TSPEAR: variants seen among roughly 807,000 people sequenced by gnomAD.
The protein encoded by TSPEAR is thrombospondin-type laminin G domain and EAR repeat-containing protein.
TSPEAR carries 69 observed loss-of-function variants against 71.6 expected under a neutral mutation model. The observed-to-expected ratio is 0.96, with a 90% CI of 0.79 to 1.18. TSPEAR has a LOEUF of 1.18. Among genes scored for constraint, TSPEAR ranks in the 50% most tolerant of loss-of-function variants. The pLI is 0.00. For missense variants in TSPEAR, 971 were observed against 894.9 expected (o/e 1.09, Z -1.09); for synonymous variants, 402 against 387.2 (o/e 1.04, Z -0.45).
At position 44,568,354 on chromosome 21, in the gene TSPEAR, G is replaced by A. The variant is rs587743771; in HGVS notation, c.83-349C>T. On this transcript the variant is annotated intron_variant, in intron 1 of 11. Coordinates refer to ENST00000323084, the MANE Select transcript of TSPEAR (RefSeq NM_144991.3). The stretch of plus-strand genomic sequence containing the variant: ...GAAGGAAGGAACGCATGGCCCCACC[G>A]CAGCCACGGGAACCCCAAAGGAAAC... Among the ~76,000 whole-genome samples the A allele has an allele frequency of 2.0e-5, 3 of 152,288 alleles. No individual in the cohort carries two copies. The South Asian group carries it at 6.2e-4, about 32-fold the overall frequency.
At chr21:44,579,891 TGCATATGGGGCG>T (rs1298265269) in intron 1 of TSPEAR, 1 of 1,599,458 alleles carries the variant, frequency 6.3e-7, no homozygotes, top group Non-Finnish European at 8.5e-7. Context: ...CAGGCGGGCC[TGCATATGGGGCG>T]GCAGAGGAGG....
intron 1 of TSPEAR, chr21:44,697,867 G>A (rs1555950981): frequency 1.2e-6 from 2 of 1,603,526 alleles, no homozygotes; most frequent in South Asian, 2.3e-5. Flanking sequence ...CCTCCTGCCA[G>A]CCAAGCTGCG....
chr21:44,658,166 AT>A (rs1985272277), intron 1 of TSPEAR: 2 of 1,613,854 alleles, frequency 1.2e-6, no homozygotes, highest in Non-Finnish European at 1.7e-6. Flanking sequence ...CTGCAGGCCC[AT>A]CATATATGTG....
intron 1 of TSPEAR, among the ~76,000 whole-genome samples, chr21:44,659,612 C>T (rs112720679): frequency 7.2e-5 from 11 of 152,112 alleles, no homozygotes; most frequent in Non-Finnish European, 1.6e-4. Context: ...ACAAAGAAAT[C>T]AATAAAACTG....
At chr21:44,518,787 T>G in intron 9 of TSPEAR, 2 of 438,766 alleles carry the variant, frequency 4.6e-6, no homozygotes, top group Middle Eastern at 3.4e-4. Flanking sequence ...AATCCCTTCC[T>G]GGTTCTGGCA....
chr21:44,504,911 C>T (rs1555911710), intron 10 of TSPEAR, 30 bp from the exon 11 acceptor site: 2 of 1,553,356 alleles, frequency 1.3e-6, no homozygotes, highest in Non-Finnish European at 1.8e-6. Flanking sequence ...GATATTAGGA[C>T]ACAACAGACA....
chr21:44,540,010 G>A (rs2146004417), intron 2 of TSPEAR: 2 of 1,613,098 alleles, frequency 1.2e-6, no homozygotes, highest in East Asian at 2.2e-5. Flanking sequence ...TCACTGGGGT[G>A]CAGACCAGGG....
chr21:44,696,575 A>G (rs1163695960), intron 1 of TSPEAR, among the ~76,000 whole-genome samples: 3 of 152,264 alleles, frequency 2.0e-5, no homozygotes, highest in Non-Finnish European at 4.4e-5. Flanking sequence ...TGTTTGCCGA[A>G]AAAAATAAAA....
At chr21:44,706,266 G>A (rs1987908846) in intron 1 of TSPEAR, among the ~76,000 whole-genome samples, 1 of 152,206 alleles carries the variant, frequency 6.6e-6, no homozygotes, top group South Asian at 2.1e-4. Context: ...AAGGGTGGCT[G>A]CGTCCCGGGT....
chr21:44,594,422 G>C (rs1274714818), intron 1 of TSPEAR, among the ~76,000 whole-genome samples: 1 of 152,178 alleles, frequency 6.6e-6, no homozygotes, highest in Non-Finnish European at 1.5e-5. Context: ...GGGATAAATT[G>C]CTTGTTGAAA....
At chr21:44,650,482 G>A (rs1408304843) in intron 1 of TSPEAR, among the ~76,000 whole-genome samples, 2 of 152,282 alleles carry the variant, frequency 1.3e-5, no homozygotes, top group Admixed American at 6.5e-5. Flanking sequence ...TGATGACGGA[G>A]GCAGAGATTG....
intron 1 of TSPEAR, among the ~76,000 whole-genome samples, chr21:44,570,617 T>A (rs1222313882): frequency 6.6e-6 from 1 of 152,122 alleles, no homozygotes; most frequent in Non-Finnish European, 1.5e-5. Flanking sequence ...AGAAAGGTAT[T>A]GAATCCAACA....
At chr21:44,688,201 G>GCACT (rs3052790) in intron 1 of TSPEAR, among the ~76,000 whole-genome samples, 108,913 of 151,652 alleles carry the variant, frequency 0.72, 39,389 homozygotes, top group Middle Eastern at 0.85. Context: ...GAAGTGGGGT[G>GCACT]CAGAGAATTG....
intron 2 of TSPEAR, among the ~76,000 whole-genome samples, chr21:44,545,348 A>T (rs948162344): frequency 2.6e-5 from 4 of 152,074 alleles, no homozygotes; most frequent in African/African-American, 9.7e-5. Context: ...AATTAATTAA[A>T]AAAAAAAGAA....
intron 1 of TSPEAR, chr21:44,677,897 T>C (rs1470604797): frequency 2.9e-6 from 4 of 1,398,150 alleles, no homozygotes; most frequent in African/African-American, 2.9e-5. Context: ...ATTTGGCATA[T>C]AGGATAGTGC....
chr21:44,674,645 A>T (rs587708250), intron 1 of TSPEAR, among the ~76,000 whole-genome samples: 1 of 151,796 alleles, frequency 6.6e-6, no homozygotes, highest in East Asian at 1.9e-4. Context: ...TGAGCCCAGG[A>T]GGTGGAGGCT....
intron 1 of TSPEAR, chr21:44,677,413 C>T: frequency 9.5e-7 from 1 of 1,048,532 alleles, no homozygotes. Context: ...GCTGCAATCG[C>T]CTGCAGAGTG....
intron 2 of TSPEAR, among the ~76,000 whole-genome samples, chr21:44,543,761 A>G (rs1228726153): frequency 2.6e-5 from 4 of 152,236 alleles, no homozygotes; most frequent in African/African-American, 9.6e-5. Flanking sequence ...GAGCAAGGGC[A>G]TATTCTCCCT....
chr21:44,517,964 A>G, intron 9 of TSPEAR: 1 of 416,260 alleles, frequency 2.4e-6, no homozygotes, highest in Non-Finnish European at 4.9e-6. Context: ...TTTTTCTAGA[A>G]CTTTGGTTAG....
Sources: gnomAD v4.1 joint callset for allele counts (sites outside exome capture counted in the v4.1 genomes callset) on GRCh38, gnomAD v4.1.1 for gene constraint, MANE v1.5 for transcripts, NCBI Gene and HGNC (gene_info 2026-07-23, HGNC 2026-07-21) for gene names.